Variants in PLEKHA6 observed in about 807,000 individuals in gnomAD.
PLEKHA6 encodes the protein pleckstrin homology domain containing A6.
In PLEKHA6, 60 loss-of-function variants were observed where a neutral mutation model predicts 116.7. The observed-to-expected ratio is 0.51, with a 90% confidence interval of 0.42 to 0.64. The LOEUF (loss-of-function observed/expected upper bound fraction) is 0.64, where lower values mean the gene tolerates loss of function less well. PLEKHA6 is among the 30% of genes least tolerant of loss of function. The pLI is 0.00. For synonymous variants in PLEKHA6, 489 were observed against 556.1 expected, an observed-to-expected ratio of 0.88 and a Z score of 1.70; for missense variants, 1,338 against 1,422.7, an observed-to-expected ratio of 0.94 and a Z score of 0.96.
chr1:204,364,669 C>G (rs371272912), upstream of PLEKHA6, among the ~76,000 whole-genome samples: 12 of 152,306 alleles, frequency 7.9e-5, no homozygotes, highest in East Asian at 7.7e-4. Flanking sequence ...ACAATATTGC[C>G]TGTGTCTCCG....
At chr1:204,342,278 G>T (rs578114124) in intron 1 of PLEKHA6, among the ~76,000 whole-genome samples, 2 of 152,124 alleles carry the variant, frequency 1.3e-5, no homozygotes, top group Non-Finnish European at 2.9e-5. Context: ...AGGCTGAGGC[G>T]GGAGAATTGT....
At chr1:204,357,722 C>T (rs1054499488) in intron 1 of PLEKHA6, among the ~76,000 whole-genome samples, 3 of 152,330 alleles carry the variant, frequency 2.0e-5, no homozygotes, top group African/African-American at 7.2e-5. Flanking sequence ...GCTCGGAGAA[C>T]GGAACCGCAG....
chr1:204,244,883 G>A lies in PLEKHA6; in HGVS notation c.2153C>T (p.Thr718Ile), dbSNP rs201370879. 22 of 1,562,748 alleles carry A rather than the reference G, an allele frequency of 1.4e-5. No individual in the cohort carries two copies. The Admixed American group carries it at 1.7e-4, about 12-fold the overall frequency. The change falls in exon 15 of 23, where the codon ACC becomes ATC. Residue 718 changes from threonine (T) to isoleucine (I), a missense_variant. Coordinates refer to ENST00000272203, the MANE Select transcript of PLEKHA6 (RefSeq NM_014935.5). ...ACTTACCTCGTTGGAGCCAGGCTTG[G>A]TGGGGGACCCCTGAGAGCCCGACAC... ...SLVSGSQGSP[T>I]KPGSNEPKAN...
At chr1:204,346,179 T>C (rs570214631) in intron 1 of PLEKHA6, among the ~76,000 whole-genome samples, 2 of 152,318 alleles carry the variant, frequency 1.3e-5, no homozygotes, top group East Asian at 1.9e-4. Context: ...CTACTGGCAC[T>C]GGGTGTGGTC....
At position 204,231,459 on chromosome 1, in the gene PLEKHA6, A is replaced by G. The variant is rs185450618; in HGVS notation, c.2410-873T>C. Among the ~76,000 whole-genome samples the G allele has an allele frequency of 2.6e-5, 4 of 152,282 alleles. No individual in the cohort carries two copies. The East Asian group carries it at 5.8e-4, about 22-fold the overall frequency. On this transcript the variant is annotated intron_variant, in intron 17 of 22. Transcript: ENST00000272203. ...GCAAAGATGTGCATATTACCTACAC[A>G]TATCCTCCAGTATACTTTAAATCAC...
intron 17 of PLEKHA6, 21 bp downstream of exon 17, chr1:204,241,354 T>C: frequency 1.3e-6 from 2 of 1,486,646 alleles, no homozygotes; most frequent in Non-Finnish European, 9.4e-7. Flanking sequence ...CAGGCCTGCA[T>C]GAGCTTGCAG....
At chr1:204,279,318 A>C (rs1434812756) in intron 1 of PLEKHA6, among the ~76,000 whole-genome samples, 1 of 152,220 alleles carries the variant, frequency 6.6e-6, no homozygotes, top group East Asian at 1.9e-4. Flanking sequence ...GCTCATCAAG[A>C]GCTCTGAACT....
At position 204,228,235 on chromosome 1, in the gene PLEKHA6, A is replaced by C; in HGVS notation, c.2886-7T>G. The C allele has an allele frequency of 6.3e-7, 1 of 1,586,920 alleles. No individual in the cohort carries two copies. On this transcript the variant is annotated splice_region_variant and splice_polypyrimidine_tract_variant and intron_variant, in intron 20 of 22. Coordinates refer to ENST00000272203, the MANE Select transcript of PLEKHA6 (RefSeq NM_014935.5). The surrounding 1 kb of genome is among the most constrained non-coding windows in gnomAD (Gnocchi z 4.0). ...GGGCACCACGTTCTGCATACTGAAG[A>C]GGCACAGACACACAGAAATGGAGGG...
At chr1:204,275,765 G>A in intron 1 of PLEKHA6, 1 of 965,128 alleles carries the variant, frequency 1.0e-6, no homozygotes, top group Non-Finnish European at 1.2e-6. Flanking sequence ...TGACTACTTG[G>A]CAAGAATGTA....
chr1:204,228,647 G>GC lies in PLEKHA6; in HGVS notation c.2885+80dup. 2 of 1,339,088 alleles carry GC rather than the reference G, an allele frequency of 1.5e-6. No individual in the cohort carries two copies. The highest frequency in any genetic ancestry group is 2.4e-5 in the South Asian group (2 of 82,402). 83.0% of individuals were successfully genotyped at this position (1,339,088 alleles called of 1,614,324 possible). On this transcript the variant is annotated intron_variant, in intron 20 of 22. Coordinates refer to ENST00000272203, the MANE Select transcript of PLEKHA6 (RefSeq NM_014935.5). This position sits in a 1 kb window ranked among gnomAD's most constrained non-coding sequence, Gnocchi z 4.0. ...GTGCTCTCCCCTGGGGAGGCTCTGT[G>GC]CCCCCAACGACTTCTAGTGGCCCAG...
chr1:204,226,787 C>T (rs1348150958), intron 21 of PLEKHA6, among the ~76,000 whole-genome samples: 1 of 152,198 alleles, frequency 6.6e-6, no homozygotes, highest in Admixed American at 6.5e-5. Flanking sequence ...TAGCTAAAAT[C>T]TGGTTTCTGA....
intron 18 of PLEKHA6, among the ~76,000 whole-genome samples, chr1:204,230,153 T>C (rs1660956198): frequency 6.6e-6 from 1 of 152,270 alleles, no homozygotes; most frequent in Admixed American, 6.5e-5. Context: ...ATTAAGTGAA[T>C]TTTGTATAAT....
intron 17 of PLEKHA6, among the ~76,000 whole-genome samples, chr1:204,235,002 ATATATATATATC>A (rs1340515895): frequency 7.5e-4 from 16 of 21,260 alleles, no homozygotes; most frequent in Non-Finnish European, 1.0e-3. Flanking sequence ...ATATATATAT[ATATATATATATC>A]TAATAGCAGA....
intron 1 of PLEKHA6, chr1:204,297,938 C>G (rs1440542529): frequency 2.0e-6 from 2 of 979,862 alleles, no homozygotes; most frequent in Admixed American, 6.1e-5. Context: ...TGTCCTCCCC[C>G]TACTCCTCAT....
chr1:204,295,016 A>G (rs1670134629), intron 1 of PLEKHA6, among the ~76,000 whole-genome samples: 1 of 152,206 alleles, frequency 6.6e-6, no homozygotes, highest in Non-Finnish European at 1.5e-5. Context: ...ATCCATCAAG[A>G]TAGTACCCTC....
Position 204,219,033 on chromosome 1 carries a change from G to C in PLEKHA6, c.*3755C>G, listed in dbSNP as rs145342234. 6.6e-6 allele frequency: 1 copy of C among 152,560 alleles called. No individual in the cohort carries two copies. Among genetic ancestry groups the C allele is most frequent in the Admixed American group, 6.5e-5 (1 of 15,280 alleles). The allele number at this position is 152,560 out of a possible 1,614,324, so 9.5% of individuals were successfully genotyped here. On this transcript the variant is annotated 3_prime_UTR_variant, in exon 23 of 23. Transcript: ENST00000272203. ...TCCTGGGGAGGGGGCTCATTGGCTA[G>C]AAAGATGCTAAGGGGATGCTACAGC... is the stretch of plus-strand genomic sequence containing the variant.
chr1:204,255,746 C>A, intron 9 of PLEKHA6: 2 of 695,604 alleles, frequency 2.9e-6, no homozygotes, highest in African/African-American at 1.8e-5. Flanking sequence ...CAAAAGAAAA[C>A]AATAAAAAAA....
chr1:204,279,010 G>A (rs925692046), intron 1 of PLEKHA6, among the ~76,000 whole-genome samples: 4 of 151,858 alleles, frequency 2.6e-5, no homozygotes, highest in Admixed American at 1.3e-4. Context: ...CTGCCCCCTC[G>A]CCCCCTCACT....
At chr1:204,273,813 C>CA in intron 2 of PLEKHA6, 73 bp from the exon 3 acceptor site, 1 of 993,652 alleles carries the variant, frequency 1.0e-6, no homozygotes, top group South Asian at 1.4e-5. Context: ...ATCCTTTTTC[C>CA]ACACCCTGCC....
Sources: allele counts gnomAD v4.1 joint callset (sites outside exome capture counted in the v4.1 genomes callset), GRCh38; gene constraint gnomAD v4.1.1; non-coding constraint Gnocchi (gnomAD v3.1); transcripts MANE v1.5; gene names NCBI Gene and HGNC (gene_info 2026-07-23, HGNC 2026-07-21).